The following CACNA2D3 variants were observed in gnomAD, a reference collection of about 807,000 sequenced individuals.
CACNA2D3 encodes the protein voltage-dependent calcium channel subunit alpha-2/delta-3.
Under a neutral mutation model 160.6 loss-of-function variants are expected in CACNA2D3, and 60 were observed. The ratio of observed to expected loss-of-function variants is 0.37; its 90% CI spans 0.30 to 0.46. The LOEUF is 0.46. Ranked by LOEUF, CACNA2D3 falls within the 20% of genes least tolerant of loss-of-function variation. The pLI is 1.00. For missense variants in CACNA2D3, 1,205 were observed against 1,365.0 expected (o/e 0.88, Z 1.85); for synonymous variants, 558 against 492.9 (o/e 1.13, Z -1.75).
At chr3:54,462,197 G>A (rs1332461727) in intron 4 of CACNA2D3, among the ~76,000 whole-genome samples, 1 of 152,106 alleles carries the variant, frequency 6.6e-6, no homozygotes, top group Non-Finnish European at 1.5e-5. Context: ...TTACTTCCCA[G>A]TATGTGGTCC....
At chr3:54,612,713 G>A (rs920721606) in intron 9 of CACNA2D3, among the ~76,000 whole-genome samples, 2 of 152,198 alleles carry the variant, frequency 1.3e-5, no homozygotes, top group Admixed American at 1.3e-4. Context: ...CTGGGAAGAT[G>A]CCCTGATAAC....
At chr3:54,881,668 G>GT (rs1699799152) in intron 21 of CACNA2D3, among the ~76,000 whole-genome samples, 1 of 152,186 alleles carries the variant, frequency 6.6e-6, no homozygotes. Flanking sequence ...AGGTCATTAG[G>GT]TTTTGCATGT....
At chr3:54,809,167 CTTTCA>C (rs1331621190) in intron 13 of CACNA2D3, among the ~76,000 whole-genome samples, 1 of 151,946 alleles carries the variant, frequency 6.6e-6, no homozygotes, top group East Asian at 1.9e-4. Flanking sequence ...GGCCCTCCTT[CTTTCA>C]TTGCTTCTTC....
intron 11 of CACNA2D3, among the ~76,000 whole-genome samples, chr3:54,685,988 G>A (rs1700442406): frequency 6.6e-6 from 1 of 152,230 alleles, no homozygotes; most frequent in African/African-American, 2.4e-5. Flanking sequence ...GGATCAGTAG[G>A]TGTTTGCTGC....
chr3:54,768,805 C>T (rs1328661393), intron 13 of CACNA2D3, among the ~76,000 whole-genome samples: 2 of 152,164 alleles, frequency 1.3e-5, no homozygotes, highest in Admixed American at 6.5e-5. Flanking sequence ...TCAGGTTATC[C>T]CTAAAATGAT....
chr3:54,453,154 G>A (rs1175319747), intron 4 of CACNA2D3, among the ~76,000 whole-genome samples: 2 of 151,982 alleles, frequency 1.3e-5, no homozygotes, highest in Non-Finnish European at 2.9e-5. Context: ...ACCACACCCA[G>A]CTAATTTTTT....
intron 2 of CACNA2D3, among the ~76,000 whole-genome samples, chr3:54,144,505 C>T (rs1354629894): frequency 6.6e-6 from 1 of 152,244 alleles, no homozygotes; most frequent in Admixed American, 6.5e-5. Context: ...CTCTTTGTTT[C>T]TCTTGTAGTA....
chr3:54,897,420 G>A (rs1700217297), intron 26 of CACNA2D3, among the ~76,000 whole-genome samples: 1 of 152,092 alleles, frequency 6.6e-6, no homozygotes, highest in African/African-American at 2.4e-5. Context: ...AAAGTCACCT[G>A]CCTCCAAAAA....
chr3:54,178,523 C>T (rs960995717), intron 2 of CACNA2D3, among the ~76,000 whole-genome samples: 4 of 152,152 alleles, frequency 2.6e-5, no homozygotes, highest in East Asian at 1.9e-4. Flanking sequence ...AGCAGACACA[C>T]GAAGAAAAAG....
chr3:54,484,345 G>A (rs576344640), intron 4 of CACNA2D3, among the ~76,000 whole-genome samples: 27 of 152,236 alleles, frequency 1.8e-4, no homozygotes, highest in Middle Eastern at 6.8e-3. Flanking sequence ...ATCCAGCACC[G>A]CACATTAGGC....
At chr3:54,900,379 T>C (rs371201581) in intron 27 of CACNA2D3, among the ~76,000 whole-genome samples, 1 of 152,344 alleles carries the variant, frequency 6.6e-6, no homozygotes, top group South Asian at 2.1e-4. Flanking sequence ...AAATATTATA[T>C]GACTGAGAGT....
rs140699858 is a variant in CACNA2D3 at position 54,133,596 on chromosome 3, C to T, written c.204+10002C>T. ...GGCATTGTCATTTGCTTTCATAATGCGGAACATAAAGGGGTAAGAGCTGGA... is the reference window on the plus strand; with the variant it reads ...GGCATTGTCATTTGCTTTCATAATGTGGAACATAAAGGGGTAAGAGCTGGA... On this transcript the variant is annotated intron_variant, in intron 2 of 37. Transcript: ENST00000474759. 7.4e-3 allele frequency among the ~76,000 whole-genome samples: 1,131 copies of T among 152,272 alleles called. 13 individuals are homozygous for T. Among genetic ancestry groups the T allele is most frequent in the African/African-American group, 0.026 (1,061 of 41,540 alleles).
Position 54,286,197 on chromosome 3 carries a change from T to A in CACNA2D3, c.205-34245T>A, listed in dbSNP as rs373636998. Among the ~76,000 whole-genome samples the A allele has an allele frequency of 8.5e-5, 13 of 152,140 alleles. No homozygotes were observed. The East Asian group carries it at 1.9e-3, about 23-fold the overall frequency. On this transcript the variant is annotated intron_variant, in intron 2 of 37. Coordinates refer to ENST00000474759, the MANE Select transcript of CACNA2D3 (RefSeq NM_018398.3). ...AAACTTTGAAAAAAAATTAGAGGAA[T>A]GTATAACTAGAATAACCAATGCAGA... is the stretch of plus-strand genomic sequence containing the variant.
chr3:54,476,046 A>ATTTTTTTTTTTTTT (rs35383482), intron 4 of CACNA2D3, among the ~76,000 whole-genome samples: 1 of 135,258 alleles, frequency 7.4e-6, no homozygotes, highest in Non-Finnish European at 1.6e-5. Context: ...TGTAAGTTTG[A>ATTTTTTTTTTTTTT]TTTTTTTTTT....
intron 2 of CACNA2D3, among the ~76,000 whole-genome samples, chr3:54,295,905 T>C (rs559005541): frequency 3.2e-4 from 48 of 152,308 alleles, no homozygotes; most frequent in African/African-American, 1.2e-3. Context: ...GGCTTAGTGA[T>C]TTTGGGGTCC....
At chr3:55,026,098 C>G (rs969542596) in intron 35 of CACNA2D3, among the ~76,000 whole-genome samples, 6 of 152,132 alleles carry the variant, frequency 3.9e-5, no homozygotes, top group African/African-American at 1.4e-4. Context: ...TCCTCAGAAG[C>G]ACCGACCCCC....
intron 2 of CACNA2D3, among the ~76,000 whole-genome samples, chr3:54,220,164 TTGG>T (rs374097490): frequency 1.3e-5 from 2 of 152,204 alleles, no homozygotes; most frequent in African/African-American, 4.8e-5. Flanking sequence ...TAATTGTTTC[TTGG>T]TGGGTCCTAA....
intron 11 of CACNA2D3, among the ~76,000 whole-genome samples, chr3:54,643,120 A>T (rs956660066): frequency 2.1e-4 from 7 of 33,276 alleles, no homozygotes; most frequent in African/African-American, 9.5e-4. Flanking sequence ...CAGTAGTGTT[A>T]TCCTGACTGT....
chr3:54,782,940 G>A (rs1181690803), intron 13 of CACNA2D3, among the ~76,000 whole-genome samples: 10 of 152,114 alleles, frequency 6.6e-5, no homozygotes, highest in Admixed American at 5.9e-4. Flanking sequence ...CAGGTAAAAC[G>A]CACACCAGAC....
Sources: gnomAD v4.1 joint callset for allele counts (sites outside exome capture counted in the v4.1 genomes callset) on GRCh38, gnomAD v4.1.1 for gene constraint, MANE v1.5 for transcripts, NCBI Gene and HGNC (gene_info 2026-07-23, HGNC 2026-07-21) for gene names.